Variants in SVIL observed in about 807,000 individuals in gnomAD.
SVIL encodes supervillin.
In SVIL, 101 loss-of-function variants were observed where a neutral mutation model predicts 240.4. The ratio of observed to expected loss-of-function variants is 0.42; its 90% CI spans 0.36 to 0.50. The LOEUF is 0.50. SVIL is among the 20% of genes least tolerant of loss of function. The probability of loss-of-function intolerance (pLI) is 0.01; values close to 1 mark genes in which losing one functional copy is unlikely to be tolerated. For synonymous variants in SVIL, 999 were observed against 1,100.0 expected (o/e 0.91, Z 1.82); for missense variants, 2,512 against 2,818.7 (o/e 0.89, Z 2.46).
At chr10:29,538,810 A>G (rs923678194) in intron 6 of SVIL, among the ~76,000 whole-genome samples, 1 of 152,158 alleles carries the variant, frequency 6.6e-6, no homozygotes, top group East Asian at 1.9e-4. Context: ...ATTTATTGGG[A>G]TGCGACCCCA....
At chr10:29,554,419 G>A (rs564336303) in intron 5 of SVIL, among the ~76,000 whole-genome samples, 2 of 152,274 alleles carry the variant, frequency 1.3e-5, no homozygotes, top group Admixed American at 1.3e-4. Context: ...GCCAAGGTGG[G>A]AGGATCACTA....
intron 2 of SVIL, among the ~76,000 whole-genome samples, chr10:29,566,481 T>C (rs562092577): frequency 6.6e-6 from 1 of 152,232 alleles, no homozygotes; most frequent in African/African-American, 2.4e-5. Context: ...CTCAAGGCAG[T>C]GCCACAAGCT....
intron 3 of SVIL, among the ~76,000 whole-genome samples, chr10:29,562,928 A>T (rs1954642329): frequency 6.6e-6 from 1 of 152,008 alleles, no homozygotes; most frequent in African/African-American, 2.4e-5. Context: ...GGGCGATTTT[A>T]TGTTCCCTGT....
At chr10:29,511,621 A>C (rs556029409) in intron 17 of SVIL, among the ~76,000 whole-genome samples, 16 of 152,392 alleles carry the variant, frequency 1.0e-4, no homozygotes, top group African/African-American at 3.8e-4. Flanking sequence ...CGGTGTGTGA[A>C]AAATATGCAC....
At chr10:29,718,035 A>G (rs1290075494) in intron 1 of SVIL, among the ~76,000 whole-genome samples, 2 of 152,224 alleles carry the variant, frequency 1.3e-5, no homozygotes, top group Admixed American at 1.3e-4. Context: ...AATTAATTTC[A>G]CCTGTTTCGT....
chr10:29,589,187 C>G (rs1956288216), intron 1 of SVIL, among the ~76,000 whole-genome samples: 1 of 152,250 alleles, frequency 6.6e-6, no homozygotes, highest in South Asian at 2.1e-4. Context: ...TGTCCTCCAG[C>G]TCTGTGGAAA....
upstream of SVIL, among the ~76,000 whole-genome samples, chr10:29,635,602 C>A (rs1958282458): frequency 6.6e-6 from 1 of 152,152 alleles, no homozygotes; most frequent in Non-Finnish European, 1.5e-5. Context: ...ACCAGATGAA[C>A]CTAACCTAAT....
At position 29,470,405 on chromosome 10, in the gene SVIL, C is replaced by T. The variant is rs148360729; in HGVS notation, c.5714G>A (p.Ser1905Asn). ...NLLEVACHCS[S>N]LRSRTSMVVL... ...CACCATGGAAGTTCTGGACCTCAGGCTGCTACAGTGACAGGCCACTTCCAG... is the reference window on the plus strand; with the variant it reads ...CACCATGGAAGTTCTGGACCTCAGGTTGCTACAGTGACAGGCCACTTCCAG... The change falls in exon 32 of 38, where the codon AGC becomes AAC. Residue 1905 changes from serine (S) to asparagine (N), a missense_variant. Physicochemically the swap from Ser to Asn is conservative, Grantham distance 46. Coordinates refer to ENST00000355867, the MANE Select transcript of SVIL (RefSeq NM_021738.3). The T allele has an allele frequency of 3.0e-4, 490 of 1,614,134 alleles. No individual in the cohort carries two copies. Among genetic ancestry groups the T allele is most frequent in the Admixed American group, 2.5e-4 (15 of 60,012 alleles).
At chr10:29,569,919 A>G (rs1360664892) in intron 1 of SVIL, among the ~76,000 whole-genome samples, 2 of 152,262 alleles carry the variant, frequency 1.3e-5, no homozygotes, top group African/African-American at 4.8e-5. Flanking sequence ...CCAAAGGAAC[A>G]GGTTAATCAA....
chr10:29,545,595 G>A (rs778939676), intron 6 of SVIL, among the ~76,000 whole-genome samples: 1 of 152,050 alleles, frequency 6.6e-6, no homozygotes, highest in Non-Finnish European at 1.5e-5. Flanking sequence ...GGTGGCTCAC[G>A]CCTGTAATCC....
intron 1 of SVIL, among the ~76,000 whole-genome samples, chr10:29,688,880 C>A (rs1023529345): frequency 6.6e-6 from 1 of 152,076 alleles, no homozygotes; most frequent in Non-Finnish European, 1.5e-5. Context: ...GTTAAGTTTA[C>A]AATATATATG....
At chr10:29,626,412 T>C (rs1361568017) in intron 1 of SVIL, among the ~76,000 whole-genome samples, 1 of 152,174 alleles carries the variant, frequency 6.6e-6, no homozygotes, top group African/African-American at 2.4e-5. Flanking sequence ...CCAACACCTA[T>C]ACCAGTCCCT....
At chr10:29,651,282 G>A (rs1156848228) in intron 3 of SVIL, among the ~76,000 whole-genome samples, 1 of 152,120 alleles carries the variant, frequency 6.6e-6, no homozygotes, top group Non-Finnish European at 1.5e-5. Flanking sequence ...AGATCCAAGA[G>A]CAATTTTTCA....
At chr10:29,588,182 T>C (rs1427267495) in intron 1 of SVIL, among the ~76,000 whole-genome samples, 2 of 151,728 alleles carry the variant, frequency 1.3e-5, no homozygotes, top group East Asian at 3.9e-4. Flanking sequence ...AACAGTGGAC[T>C]GGAGCTGCCG....
At chr10:29,683,340 C>T (rs908211500) in intron 2 of SVIL, among the ~76,000 whole-genome samples, 6 of 152,308 alleles carry the variant, frequency 3.9e-5, no homozygotes, top group African/African-American at 1.4e-4. Flanking sequence ...CTCCAGGTAG[C>T]AGGCTTCAGG....
At chr10:29,621,826 A>G (rs1259720263) in intron 1 of SVIL, among the ~76,000 whole-genome samples, 1 of 149,598 alleles carries the variant, frequency 6.7e-6, no homozygotes, top group Non-Finnish European at 1.5e-5. Flanking sequence ...AGCTAAATAT[A>G]TGCGCACGCA....
rs61733423 is a variant in SVIL, at chr10:29,481,635, C to T, written c.5049G>A (p.Thr1683=). The change falls in exon 28 of 38, where the codon ACG becomes ACA. Residue 1683 remains threonine (T), a synonymous_variant. Transcript: ENST00000355867. ...ILFKEKFLDW[T]ELKRSNEKNP... Reference sequence around the variant, plus strand: ...TCTTCTCATTCGATCTCTTCAGTTCCGTCCAATCCAGAAACTTCTCTTTGA... The same window carrying T: ...TCTTCTCATTCGATCTCTTCAGTTCTGTCCAATCCAGAAACTTCTCTTTGA... The T allele has an allele frequency of 1.0e-4, 166 of 1,614,068 alleles. No homozygotes were observed. The highest frequency in any genetic ancestry group is 9.9e-4 in the Middle Eastern group (6 of 6,060).
chr10:29,509,376 A>AGAGAGAGAGAGAGG lies in SVIL; in HGVS notation c.3516+3358_3516+3359insCCTCTCTCTCTCTC, dbSNP rs1564541481. Reference sequence around the variant, plus strand: ...GAGAGAGAGAGAGAGAGAGAGAGAGAGAGAATACCCAAACAGTTTTTCACA... The same window carrying AGAGAGAGAGAGAGG: ...GAGAGAGAGAGAGAGAGAGAGAGAGAGAGAGAGAGAGAGGGAGAATACCCAAACAGTTTTTCACA... On this transcript the variant is annotated intron_variant, in intron 17 of 37. Coordinates refer to ENST00000355867, the MANE Select transcript of SVIL (RefSeq NM_021738.3). Among the ~76,000 whole-genome samples the AGAGAGAGAGAGAGG allele has an allele frequency of 5.0e-5, 7 of 139,290 alleles. No individual in the cohort carries two copies. In the East Asian group the frequency reaches 1.5e-3, roughly 30 times the overall value. The allele number at this position is 139,290 out of a possible 152,430, so 91.4% of individuals were successfully genotyped here.
At chr10:29,690,045 T>A (rs1050835446) in intron 1 of SVIL, among the ~76,000 whole-genome samples, 2 of 152,156 alleles carry the variant, frequency 1.3e-5, no homozygotes, top group Non-Finnish European at 2.9e-5. Flanking sequence ...TATTTAAAAA[T>A]CTAAACGGCT....
Sources: allele counts gnomAD v4.1 joint callset (sites outside exome capture counted in the v4.1 genomes callset), GRCh38; gene constraint gnomAD v4.1.1; transcripts MANE v1.5; gene names NCBI Gene and HGNC (gene_info 2026-07-23, HGNC 2026-07-21).